The following DLG2 variants were observed in gnomAD, a reference collection of about 807,000 sequenced individuals.
The protein encoded by DLG2 is disks large homolog 2.
Under a neutral mutation model 132.5 loss-of-function variants are expected in DLG2, and 45 were observed. That is an observed-to-expected ratio of 0.34 (90% CI 0.27 to 0.44). The LOEUF (loss-of-function observed/expected upper bound fraction) is 0.44, where lower values mean the gene tolerates loss of function less well. DLG2 is among the 20% of genes least tolerant of loss of function. DLG2 has a pLI of 1.00. For missense variants in DLG2, 1,045 were observed against 1,196.9 expected (o/e 0.87, Z 1.87); for synonymous variants, 424 against 419.6 (o/e 1.01, Z -0.13).
At chr11:84,577,468 A>T (rs746747091) in intron 6 of DLG2, among the ~76,000 whole-genome samples, 7 of 152,190 alleles carry the variant, frequency 4.6e-5, no homozygotes, top group South Asian at 2.1e-4. Context: ...GGTGGTCCCA[A>T]TGGAGATGAG....
intron 3 of DLG2, among the ~76,000 whole-genome samples, chr11:85,351,768 C>T (rs192877127): frequency 1.3e-5 from 2 of 152,178 alleles, no homozygotes; most frequent in Admixed American, 6.5e-5. Flanking sequence ...CAAACTTGAT[C>T]GTGGTGGATA....
intron 4 of DLG2, among the ~76,000 whole-genome samples, chr11:85,252,423 A>G (rs1220616397): frequency 6.6e-6 from 1 of 152,106 alleles, no homozygotes; most frequent in Non-Finnish European, 1.5e-5. Context: ...TGTCTCTACT[A>G]AAAATACAAA....
chr11:85,092,895 C>T (rs1012274068), intron 6 of DLG2, among the ~76,000 whole-genome samples: 13 of 152,254 alleles, frequency 8.5e-5, no homozygotes, highest in African/African-American at 3.1e-4. Flanking sequence ...CCTGTCTTGG[C>T]CTCCCAAAGT....
intron 3 of DLG2, among the ~76,000 whole-genome samples, chr11:85,312,466 C>T (rs561237487): frequency 1.7e-4 from 25 of 151,232 alleles, no homozygotes; most frequent in African/African-American, 5.1e-4. Context: ...TATAAACTTA[C>T]CATATTTAAC....
intron 18 of DLG2, among the ~76,000 whole-genome samples, chr11:83,664,987 CAG>C (rs2075208338): frequency 6.6e-6 from 1 of 152,162 alleles, no homozygotes; most frequent in African/African-American, 2.4e-5. Context: ...CAGTATCTAG[CAG>C]AGTGTTTGAC....
At chr11:85,509,787 G>A (rs894444644) in intron 3 of DLG2, among the ~76,000 whole-genome samples, 2 of 152,038 alleles carry the variant, frequency 1.3e-5, no homozygotes, top group African/African-American at 2.4e-5. Flanking sequence ...AATCACTGAT[G>A]AATTAAAATC....
intron 3 of DLG2, among the ~76,000 whole-genome samples, chr11:85,524,639 C>T (rs544542798): frequency 2.6e-5 from 4 of 152,126 alleles, no homozygotes; most frequent in Admixed American, 1.3e-4. Context: ...ACTACAGTCT[C>T]GCACTGCCAC....
intron 7 of DLG2, among the ~76,000 whole-genome samples, chr11:84,402,677 T>C (rs932332306): frequency 6.6e-6 from 1 of 151,696 alleles, no homozygotes; most frequent in East Asian, 1.9e-4. Context: ...GCTCAGGAGA[T>C]AAAGACCACC....
At chr11:84,724,093 A>G (rs987239621) in intron 6 of DLG2, among the ~76,000 whole-genome samples, 7 of 152,014 alleles carry the variant, frequency 4.6e-5, no homozygotes, top group African/African-American at 1.4e-4. Flanking sequence ...GTTGCGAGGG[A>G]AAAGAATAGA....
chr11:85,504,920 T>A (rs1565601064), intron 3 of DLG2, among the ~76,000 whole-genome samples: 2 of 152,334 alleles, frequency 1.3e-5, no homozygotes, highest in South Asian at 4.1e-4. Context: ...CTTGAAGAGA[T>A]CCTTCACATC....
intron 19 of DLG2, among the ~76,000 whole-genome samples, chr11:83,624,192 G>A (rs2062102520): frequency 6.6e-6 from 1 of 152,186 alleles, no homozygotes; most frequent in Admixed American, 6.5e-5. Flanking sequence ...ATTAATGACA[G>A]GCCAACCATT....
intron 6 of DLG2, among the ~76,000 whole-genome samples, chr11:85,060,792 A>G (rs541296772): frequency 6.6e-6 from 1 of 151,828 alleles, no homozygotes; most frequent in African/African-American, 2.4e-5. Context: ...TTACATTCCC[A>G]GAAACAGTGT....
intron 19 of DLG2, among the ~76,000 whole-genome samples, chr11:83,581,303 T>C (rs1206777303): frequency 6.6e-6 from 1 of 152,162 alleles, no homozygotes; most frequent in Admixed American, 6.5e-5. Flanking sequence ...ATTGAGACAG[T>C]CCAGTTGGGA....
At chr11:84,377,827 A>G (rs2154432577) in intron 7 of DLG2, among the ~76,000 whole-genome samples, 1 of 152,296 alleles carries the variant, frequency 6.6e-6, no homozygotes, top group East Asian at 1.9e-4. Flanking sequence ...CCAAAAATAA[A>G]TCCAGAGGTG....
At chr11:84,446,719 A>G (rs1235885154) in intron 7 of DLG2, among the ~76,000 whole-genome samples, 1 of 152,106 alleles carries the variant, frequency 6.6e-6, no homozygotes, top group Non-Finnish European at 1.5e-5. Flanking sequence ...TCCTTTCACA[A>G]ATGAGAATCC....
At chr11:85,612,564 T>G (rs927476734) in intron 2 of DLG2, among the ~76,000 whole-genome samples, 2 of 152,266 alleles carry the variant, frequency 1.3e-5, no homozygotes, top group Non-Finnish European at 2.9e-5. Flanking sequence ...TAATATGGAC[T>G]GAACGAGGTC....
At chr11:83,644,459 A>C (rs758633409) in intron 18 of DLG2, among the ~76,000 whole-genome samples, 16 of 152,168 alleles carry the variant, frequency 1.1e-4, no homozygotes, top group Non-Finnish European at 1.6e-4. Flanking sequence ...CGTTCTCAAC[A>C]TAATTATCTA....
At chr11:83,759,079 G>A (rs903911862) in intron 18 of DLG2, among the ~76,000 whole-genome samples, 1 of 152,192 alleles carries the variant, frequency 6.6e-6, no homozygotes, top group African/African-American at 2.4e-5. Context: ...ACACCGGAAT[G>A]AGTCAGAAAG....
At position 85,582,951 on chromosome 11, in the gene DLG2, G is replaced by T. The variant is rs574300915; in HGVS notation, c.40+15706C>A. Reference sequence around the variant, plus strand: ...GCAAATATATATTCCTGCAAAGAGAGTTCTAACCTTATGATTTTGTGAAGG... The same window carrying T: ...GCAAATATATATTCCTGCAAAGAGATTTCTAACCTTATGATTTTGTGAAGG... On this transcript the variant is annotated intron_variant, in intron 3 of 27. Coordinates refer to ENST00000376104, the MANE Select transcript of DLG2 (RefSeq NM_001142699.3). Among the ~76,000 whole-genome samples, 4 of 147,452 alleles carry T rather than the reference G, an allele frequency of 2.7e-5. No individual in the cohort carries two copies. In the South Asian group the frequency reaches 8.4e-4, roughly 31 times the overall value.
Sources: gnomAD v4.1 joint callset for allele counts (sites outside exome capture counted in the v4.1 genomes callset) on GRCh38, gnomAD v4.1.1 for gene constraint, MANE v1.5 for transcripts, NCBI Gene and HGNC (gene_info 2026-07-23, HGNC 2026-07-21) for gene names.